The following UPP2 variants were observed in gnomAD, a reference collection of about 807,000 sequenced individuals.
The protein encoded by UPP2 is uridine phosphorylase 2.
Under a neutral mutation model 26.7 loss-of-function variants are expected in UPP2, and 23 were observed. That is an observed-to-expected ratio of 0.86 (90% confidence interval 0.62 to 1.22). The LOEUF (loss-of-function observed/expected upper bound fraction) is 1.22. Ranked by LOEUF, UPP2 falls within the 50% of genes most tolerant of loss-of-function variation. The pLI is 0.00. For synonymous variants in UPP2, 127 were observed against 141.3 expected (o/e 0.90, Z 0.72); for missense variants, 387 against 396.7 (o/e 0.98, Z 0.21).
intron 2 of UPP2, among the ~76,000 whole-genome samples, chr2:158,003,781 A>G (rs758279): frequency 0.53 from 79,955 of 151,468 alleles, 23,682 homozygotes; most frequent in South Asian, 0.71. Flanking sequence ...AGATATTAGT[A>G]CAACCTCATG....
At chr2:158,109,504 C>T (rs1271447812) in intron 2 of UPP2, among the ~76,000 whole-genome samples, 1 of 152,166 alleles carries the variant, frequency 6.6e-6, no homozygotes, top group Non-Finnish European at 1.5e-5. Flanking sequence ...GCATAAATTG[C>T]TGTTTCCCAG....
intron 4 of UPP2, among the ~76,000 whole-genome samples, chr2:158,120,458 C>T (rs1299078644): frequency 6.6e-6 from 1 of 151,972 alleles, no homozygotes; most frequent in Non-Finnish European, 1.5e-5. Context: ...TATTGAGTAC[C>T]TATAATGTGG....
intron 2 of UPP2, among the ~76,000 whole-genome samples, chr2:157,995,661 A>G (rs928236192): frequency 6.6e-6 from 1 of 152,182 alleles, no homozygotes; most frequent in Non-Finnish European, 1.5e-5. Context: ...AAATACAAAA[A>G]GAAAGACCCC....
rs2105238062 is a variant in UPP2 at position 158,135,895 on chromosome 2, T to G, written c.*1005T>G. The G allele has an allele frequency of 6.6e-6, 1 of 152,362 alleles. No individual in the cohort carries two copies. Among genetic ancestry groups the G allele is most frequent in the East Asian group, 1.9e-4 (1 of 5,176 alleles). The allele number at this position is 152,362 out of a possible 1,614,324, so 9.4% of individuals were successfully genotyped here. A position where few individuals can be genotyped will look rare whatever the true frequency, so the allele number is the denominator to read the frequency against. On this transcript the variant is annotated 3_prime_UTR_variant, in exon 7 of 7. Coordinates refer to ENST00000005756, the MANE Select transcript of UPP2 (RefSeq NM_173355.4). ...GATGGGTAGAGGATGACTGGCACAC[T>G]TGTATAGTATGTAATGTTGTGTACA... is the stretch of plus-strand genomic sequence containing the variant.
chr2:158,061,821 T>C (rs1457883623), intron 3 of UPP2, among the ~76,000 whole-genome samples: 1 of 152,260 alleles, frequency 6.6e-6, no homozygotes, highest in African/African-American at 2.4e-5. Flanking sequence ...CCTGGACCCA[T>C]ATCGCCTTTG....
At chr2:158,093,281 C>CAT (rs1023639755) in intron 3 of UPP2, among the ~76,000 whole-genome samples, 15 of 149,766 alleles carry the variant, frequency 1.0e-4, no homozygotes, top group African/African-American at 3.8e-4. Context: ...TACACACACA[C>CAT]ACACACACAC....
intron 3 of UPP2, among the ~76,000 whole-genome samples, chr2:158,068,466 A>G (rs989833867): frequency 6.6e-6 from 1 of 151,696 alleles, no homozygotes; most frequent in Non-Finnish European, 1.5e-5. Flanking sequence ...AAACAGCCCA[A>G]ATTCAAAGCA....
chr2:158,018,427 G>T (rs1683694474), intron 3 of UPP2, among the ~76,000 whole-genome samples: 1 of 152,128 alleles, frequency 6.6e-6, no homozygotes, highest in African/African-American at 2.4e-5. Context: ...CTTTTTACCT[G>T]TACCCATTGT....
chr2:158,006,866 G>A (rs1050977612), intron 2 of UPP2, among the ~76,000 whole-genome samples: 1 of 152,174 alleles, frequency 6.6e-6, no homozygotes, highest in Non-Finnish European at 1.5e-5. Flanking sequence ...TTAGAGCAAG[G>A]TATCTTTAAG....
chr2:158,122,077 T>G (rs2105227870), intron 5 of UPP2, among the ~76,000 whole-genome samples: 1 of 152,008 alleles, frequency 6.6e-6, no homozygotes, highest in South Asian at 2.1e-4. Flanking sequence ...GCGGGGTTTT[T>G]ATCTCTCAGC....
intron 2 of UPP2, among the ~76,000 whole-genome samples, chr2:158,001,940 C>A (rs1226928215): frequency 1.7e-5 from 2 of 114,892 alleles, no homozygotes; most frequent in Non-Finnish European, 3.4e-5. Flanking sequence ...TTCTGGTTGC[C>A]TGGGGAGAAT....
intron 3 of UPP2, among the ~76,000 whole-genome samples, chr2:158,085,498 T>G (rs1206570440): frequency 2.6e-5 from 4 of 152,146 alleles, no homozygotes; most frequent in African/African-American, 9.7e-5. Flanking sequence ...TTTATTTATT[T>G]GTCTTGTCTA....
intron 4 of UPP2, among the ~76,000 whole-genome samples, chr2:158,119,981 A>G (rs1683528890): frequency 6.6e-6 from 1 of 151,342 alleles, no homozygotes; most frequent in Non-Finnish European, 1.5e-5. Flanking sequence ...ACTACATTAC[A>G]GCCTGGGTGA....
intron 2 of UPP2, among the ~76,000 whole-genome samples, chr2:157,997,055 T>C (rs1194723571): frequency 6.6e-6 from 1 of 152,212 alleles, no homozygotes; most frequent in Non-Finnish European, 1.5e-5. Flanking sequence ...CAGTAGCAGA[T>C]TGCTGCAGTT....
chr2:157,999,424 C>T (rs557234153), intron 2 of UPP2, among the ~76,000 whole-genome samples: 1 of 152,320 alleles, frequency 6.6e-6, no homozygotes, highest in South Asian at 2.1e-4. Context: ...GTGATCCACT[C>T]GCCTTGGCTT....
chr2:158,018,692 A>G (rs115719388), intron 3 of UPP2, among the ~76,000 whole-genome samples: 3,376 of 152,322 alleles, frequency 0.022, 65 homozygotes, highest in Middle Eastern at 0.051. Flanking sequence ...GGAAGAGTCC[A>G]AACTAGGTAA....
intron 2 of UPP2, among the ~76,000 whole-genome samples, chr2:158,004,053 C>G (rs777439138): frequency 6.6e-6 from 1 of 152,140 alleles, no homozygotes; most frequent in Non-Finnish European, 1.5e-5. Flanking sequence ...AATATAATGC[C>G]TGGCACCCAG....
chr2:158,070,334 A>AATTCTAGACATTCT (rs1433491163), intron 3 of UPP2, among the ~76,000 whole-genome samples: 1 of 152,216 alleles, frequency 6.6e-6, no homozygotes, highest in African/African-American at 2.4e-5. Flanking sequence ...CATTCTAGAC[A>AATTCTAGACATTCT]AGCCATCTCT....
chr2:158,057,066 T>C (rs1425811399), intron 3 of UPP2, among the ~76,000 whole-genome samples: 1 of 152,094 alleles, frequency 6.6e-6, no homozygotes, highest in Non-Finnish European at 1.5e-5. Flanking sequence ...AACACTAGGG[T>C]TATGTGTTAC....
Sources: gnomAD v4.1 joint callset for allele counts (sites outside exome capture counted in the v4.1 genomes callset) on GRCh38, gnomAD v4.1.1 for gene constraint, MANE v1.5 for transcripts, NCBI Gene and HGNC (gene_info 2026-07-23, HGNC 2026-07-21) for gene names.